ELMO2: variants seen among roughly 807,000 people sequenced by gnomAD.
ELMO2 encodes engulfment and cell motility protein 2.
In ELMO2, 37 loss-of-function variants were observed where a neutral mutation model predicts 96.2. The ratio of observed to expected loss-of-function variants is 0.38; its 90% CI spans 0.30 to 0.51. ELMO2 has a LOEUF of 0.51. Ranked by LOEUF, ELMO2 falls within the 20% of genes least tolerant of loss-of-function variation. ELMO2 has a pLI of 0.88. For synonymous variants in ELMO2, 315 were observed against 329.4 expected, an observed-to-expected ratio of 0.96 and a Z score of 0.47; for missense variants, 561 against 912.6, an observed-to-expected ratio of 0.61 and a Z score of 4.96.
rs959184424 is a variant in ELMO2, at chr20:46,387,255, G to C, written c.525+83C>G. 3 of 1,166,522 alleles carry C rather than the reference G, an allele frequency of 2.6e-6. No homozygotes were observed. The African/African-American group carries it at 4.5e-5, about 18-fold the overall frequency. The allele number at this position is 1,166,522 out of a possible 1,614,324, so 72.3% of individuals were successfully genotyped here. ...AATATAAAGCTGATCTCACCAGAAT[G>C]GCGATATTGCCTGTATCTCCCCTTA... On this transcript the variant is annotated intron_variant, in intron 8 of 21. Coordinates refer to ENST00000290246, the MANE Select transcript of ELMO2 (RefSeq NM_133171.5).
At chr20:46,405,714 T>C (rs768029249) in intron 1 of ELMO2, among the ~76,000 whole-genome samples, 49 of 151,922 alleles carry the variant, frequency 3.2e-4, no homozygotes, top group Non-Finnish European at 6.2e-4. Context: ...TGAAACCCCG[T>C]CTCTACTAAA....
At position 46,375,541 on chromosome 20, in the gene ELMO2, T is replaced by G. The variant is rs1757526244; in HGVS notation, c.930+127A>C. ...TGGGCTTGGCTCATGGTGCAGATCA[T>G]GCTAGATTTTCTAGGGCAGATGCAA... On this transcript the variant is annotated intron_variant, in intron 12 of 21. Transcript: ENST00000290246. The surrounding 1 kb of genome is among the most constrained non-coding windows in gnomAD (Gnocchi z 4.6). 6.6e-7 allele frequency: 1 copy of G among 1,513,436 alleles called. No individual in the cohort carries two copies. The highest frequency in any genetic ancestry group is 9.0e-7 in the Non-Finnish European group (1 of 1,110,366). 93.8% of individuals were successfully genotyped at this position (1,513,436 alleles called of 1,614,324 possible). A position where few individuals can be genotyped will look rare whatever the true frequency, so the allele number is the denominator to read the frequency against.
At chr20:46,394,876 C>G (rs140932151) in intron 2 of ELMO2, among the ~76,000 whole-genome samples, 401 of 152,282 alleles carry the variant, frequency 2.6e-3, no homozygotes, top group Non-Finnish European at 4.7e-3. Context: ...AGCATATGCT[C>G]CGAGACAGAT....
intron 1 of ELMO2, 136 bp from the exon 2 acceptor site, chr20:46,398,907 T>C (rs1358385272): frequency 6.6e-6 from 1 of 152,242 alleles, no homozygotes; most frequent in Non-Finnish European, 1.5e-5. Flanking sequence ...TATATAATAC[T>C]TCCTTAGATG....
rs1407541040 is a variant in ELMO2 at position 46,375,917 on chromosome 20, T to C, written c.808-127A>G. On this transcript the variant is annotated intron_variant, in intron 11 of 21. Coordinates refer to ENST00000290246, the MANE Select transcript of ELMO2 (RefSeq NM_133171.5). This position sits in a 1 kb window ranked among gnomAD's most constrained non-coding sequence, Gnocchi z 4.6. The stretch of plus-strand genomic sequence containing the variant: ...GAGCTTTCCTCCCACACACGAGGAC[T>C]TCATATTCTAGAAGGCGATGGAGCA... 1 of 1,291,768 alleles carries C rather than the reference T, an allele frequency of 7.7e-7. No individual in the cohort carries two copies. Among genetic ancestry groups the C allele is most frequent in the Non-Finnish European group, 1.1e-6 (1 of 944,834 alleles). The allele number at this position is 1,291,768 out of a possible 1,614,324, so 80.0% of individuals were successfully genotyped here.
intron 19 of ELMO2, 89 bp from the exon 20 acceptor site, chr20:46,370,614 G>GGCTTCCT: frequency 8.1e-7 from 1 of 1,235,098 alleles, no homozygotes; most frequent in African/African-American, 1.5e-5. Flanking sequence ...TACTGGGGCA[G>GGCTTCCT]ATGCATAGGA....
At chr20:46,368,716 C>T (rs2059633588) in intron 21 of ELMO2, among the ~76,000 whole-genome samples, 175 bp downstream of exon 21, 1 of 152,184 alleles carries the variant, frequency 6.6e-6, no homozygotes, top group African/African-American at 2.4e-5. Context: ...CACAGCTCCT[C>T]CTTTGAGACA....
intron 6 of ELMO2, among the ~76,000 whole-genome samples, chr20:46,391,580 T>C (rs2060150813): frequency 6.6e-6 from 1 of 152,152 alleles, no homozygotes; most frequent in East Asian, 1.9e-4. Context: ...GGTGCAACCA[T>C]ATTGGCTGTC....
At chr20:46,382,660 C>T (rs1473482287) in intron 10 of ELMO2, among the ~76,000 whole-genome samples, 4 of 152,318 alleles carry the variant, frequency 2.6e-5, no homozygotes, top group East Asian at 1.9e-4. Context: ...CCAGGCCCCT[C>T]GGCTCTTAGG....
intron 1 of ELMO2, among the ~76,000 whole-genome samples, chr20:46,405,256 G>A (rs1393549945): frequency 6.6e-6 from 1 of 152,178 alleles, no homozygotes; most frequent in Non-Finnish European, 1.5e-5. Context: ...GGTACTGGTC[G>A]AAAAGTCAGG....
At position 46,375,311 on chromosome 20, in the gene ELMO2, A is replaced by T. The variant is rs759300853; in HGVS notation, c.990T>A (p.Pro330=). 2 of 1,614,210 alleles carry T rather than the reference A, an allele frequency of 1.2e-6. No individual in the cohort carries two copies. The highest frequency in any genetic ancestry group is 1.7e-6 in the Non-Finnish European group (2 of 1,180,036). The change falls in exon 13 of 22, where the codon CCT becomes CCA. Residue 330 remains proline, a synonymous_variant. Transcript: ENST00000290246. This position sits in a 1 kb window ranked among gnomAD's most constrained non-coding sequence, Gnocchi z 4.6. The part of the protein sequence containing the change: ...RRIAFDAESD[P]SNAPGSGTEK... ...CGGTCCCACTCCCAGGGGCATTGCT[A>T]GGATCAGACTCTGCGTCAAATGCAA...
At chr20:46,398,900 A>G (rs2145854506) in intron 1 of ELMO2, 129 bp from the exon 2 acceptor site, 1 of 152,368 alleles carries the variant, frequency 6.6e-6, no homozygotes, top group Non-Finnish European at 1.5e-5. Context: ...ATCGCTCTAT[A>G]TAATACTTCC....
chr20:46,391,272 C>T (rs777773420), intron 6 of ELMO2, among the ~76,000 whole-genome samples: 2 of 152,130 alleles, frequency 1.3e-5, no homozygotes, highest in Admixed American at 6.6e-5. Context: ...GGTCTGAGAG[C>T]GGGCTTGGCT....
intron 6 of ELMO2, among the ~76,000 whole-genome samples, chr20:46,391,566 C>A (rs955856373): frequency 6.6e-6 from 1 of 152,124 alleles, no homozygotes; most frequent in African/African-American, 2.4e-5. Context: ...CAAATGTAAC[C>A]AAAGGTGCAA....
At chr20:46,392,198 C>A (rs892695430) in intron 6 of ELMO2, among the ~76,000 whole-genome samples, 9 of 152,184 alleles carry the variant, frequency 5.9e-5, no homozygotes, top group African/African-American at 2.2e-4. Flanking sequence ...CCCAAAGCTC[C>A]TCAGTCACTT....
rs1345480841 is a variant in ELMO2 at position 46,366,524 on chromosome 20, A to T, written c.*836T>A. On this transcript the variant is annotated 3_prime_UTR_variant, in exon 22 of 22. Coordinates refer to ENST00000290246, the MANE Select transcript of ELMO2 (RefSeq NM_133171.5). ...GGAAGGCCAAAGGAAAGCAAACTGG[A>T]GGGGGCTGCAATTCAGGTTAGGGGA... The T allele has an allele frequency of 2.6e-5, 4 of 152,616 alleles. No individual in the cohort carries two copies. The highest frequency in any genetic ancestry group is 5.9e-5 in the Non-Finnish European group (4 of 68,156). 9.5% of individuals were successfully genotyped at this position (152,616 alleles called of 1,614,324 possible).
intron 11 of ELMO2, among the ~76,000 whole-genome samples, chr20:46,378,927 A>T (rs1193034078): frequency 6.6e-6 from 1 of 152,184 alleles, no homozygotes; most frequent in African/African-American, 2.4e-5. Context: ...CTTGACTTCT[A>T]ATTTTTCATT....
Position 46,375,264 on chromosome 20 carries a change from G to GTGTACA in ELMO2, c.1031_1036dup (p.Met344_Tyr345dup). ...AAATCCCAGCATTTTGTAGTCCTTT[G>GTGTACA]TGTACATGGCTTTGCGTTTTTCGGT... On this transcript the variant is annotated inframe_insertion, in exon 13 of 22. Coordinates refer to ENST00000290246, the MANE Select transcript of ELMO2 (RefSeq NM_133171.5). This position sits in a 1 kb window ranked among gnomAD's most constrained non-coding sequence, Gnocchi z 4.6. The GTGTACA allele has an allele frequency of 6.2e-7, 1 of 1,614,098 alleles. No individual in the cohort carries two copies. The highest frequency in any genetic ancestry group is 8.5e-7 in the Non-Finnish European group (1 of 1,180,018).
In ELMO2 at chr20:46,374,350, G is replaced by A. The variant is rs1322559248; in HGVS notation, c.1261C>T (p.Leu421=). The change falls in exon 15 of 22, where the codon CTG becomes TTG. Residue 421 remains leucine, a synonymous_variant. Transcript: ENST00000290246. ...IELTKMLCEI[L]QVGELPNEGR... ...GACTTACGTAGTTCCCCAACCTGCAGGATTTCACAGAGCATTTTGGTGAGC... is the reference window on the plus strand; with the variant it reads ...GACTTACGTAGTTCCCCAACCTGCAAGATTTCACAGAGCATTTTGGTGAGC... 1 of 1,614,080 alleles carries A rather than the reference G, an allele frequency of 6.2e-7. No homozygotes were observed. The highest frequency in any genetic ancestry group is 8.5e-7 in the Non-Finnish European group (1 of 1,179,968).
Sources: gnomAD v4.1 joint callset for allele counts (sites outside exome capture counted in the v4.1 genomes callset) on GRCh38, gnomAD v4.1.1 for gene constraint, Gnocchi (gnomAD v3.1) non-coding constraint, MANE v1.5 for transcripts, NCBI Gene and HGNC (gene_info 2026-07-23, HGNC 2026-07-21) for gene names.